STARD9: variants seen among roughly 807,000 people sequenced by gnomAD.
STARD9 encodes the protein stAR-related lipid transfer protein 9.
Under a neutral mutation model 399.8 loss-of-function variants are expected in STARD9, and 346 were observed. The ratio of observed to expected loss-of-function variants is 0.87; its 90% CI spans 0.79 to 0.95. The LOEUF is 0.95. STARD9 is among the 40% of genes least tolerant of loss of function. The pLI, the probability that STARD9 is intolerant of heterozygous loss-of-function variation, is 0.00. For synonymous variants in STARD9, 2,203 were observed against 2,143.5 expected (o/e 1.03, Z -0.77); for missense variants, 5,832 against 5,667.5 (o/e 1.03, Z -0.93).
Position 42,692,222 on chromosome 15 carries a change from C to T in STARD9, c.10644C>T (p.Ala3548=), listed in dbSNP as rs1415375745. 1 of 1,537,066 alleles carries T rather than the reference C, an allele frequency of 6.5e-7. No homozygotes were observed. Among genetic ancestry groups the T allele is most frequent in the Non-Finnish European group, 8.7e-7 (1 of 1,146,884 alleles). Residue 3548 remains alanine (A), a synonymous_variant, in exon 23 of 33, where the codon GCC becomes GCT. Transcript: ENST00000290607. The part of the protein sequence containing the change: ...LSTTHSSTEN[A]QGSNEAWEVF... ...CCACACACAGCAGCACTGAGAATGC[C>T]CAGGGTTCAAATGAGGCCTGGGAAG...
In STARD9 at chr15:42,634,932, A is replaced by G. The variant is rs904545235; in HGVS notation, c.311A>G (p.Gln104Arg). 6.5e-7 allele frequency: 1 copy of G among 1,537,016 alleles called. No homozygotes were observed. The highest frequency in any genetic ancestry group is 8.7e-7 in the Non-Finnish European group (1 of 1,146,748). The change falls in exon 4 of 33, where the codon CAG (glutamine) becomes CGG (arginine). Residue 104 changes from glutamine to arginine, a missense_variant. By Grantham distance (43) the Gln-to-Arg change is conservative. Coordinates refer to ENST00000290607, the MANE Select transcript of STARD9 (RefSeq NM_020759.3). Reference protein sequence around the residue: ...GYNICLFAYGQTGSGKTYTML... With the variant: ...GYNICLFAYGRTGSGKTYTML... ...AACATATGCCTTTTTGCTTATGGAC[A>G]GACAGGCTCTGGGAAGACATATACC...
In STARD9 at chr15:42,692,390, C is replaced by G; in HGVS notation, c.10812C>G (p.Pro3604=). 6.5e-7 allele frequency: 1 copy of G among 1,536,970 alleles called. No homozygotes were observed. The highest frequency in any genetic ancestry group is 8.7e-7 in the Non-Finnish European group (1 of 1,146,908). The change falls in exon 23 of 33, where the codon CCC becomes CCG. Residue 3604 remains proline (P), a synonymous_variant. Transcript: ENST00000290607. ...SGEADCLRSK[P]PLAKGSAAGP... ...AAGCAGACTGTCTGAGGAGTAAGCCCCCCTTGGCCAAAGGAAGTGCTGCAG... is the reference window on the plus strand; with the variant it reads ...AAGCAGACTGTCTGAGGAGTAAGCCGCCCTTGGCCAAAGGAAGTGCTGCAG...
intron 26 of STARD9, among the ~76,000 whole-genome samples, chr15:42,711,594 A>G (rs1018911119): frequency 9.9e-5 from 15 of 152,234 alleles, no homozygotes; most frequent in African/African-American, 3.4e-4. Context: ...ACATATTTTC[A>G]GTGGAGACAG....
chr15:42,703,053 C>T (rs536818449), intron 26 of STARD9, among the ~76,000 whole-genome samples: 4 of 152,262 alleles, frequency 2.6e-5, no homozygotes, highest in Non-Finnish European at 4.4e-5. Context: ...CCATAGTCTC[C>T]TAAAGTGTTG....
chr15:42,685,606 C>CT lies in STARD9; in HGVS notation c.4029dup (p.Lys1344Ter). ...ATGGATTCCTGGTTTTCCTGTGACT[C>CT]TAAGATCAACCCCAGCAGCCCCCCA... On this transcript the variant is annotated frameshift_variant, in exon 23 of 33. Transcript: ENST00000290607. LOFTEE classifies it high-confidence loss of function. 1 of 1,537,488 alleles carries CT rather than the reference C, an allele frequency of 6.5e-7. No homozygotes were observed. The highest frequency in any genetic ancestry group is 8.7e-7 in the Non-Finnish European group (1 of 1,146,976).
At chr15:42,635,487 G>T (rs2059402478) in intron 4 of STARD9, among the ~76,000 whole-genome samples, 1 of 151,820 alleles carries the variant, frequency 6.6e-6, no homozygotes, top group Non-Finnish European at 1.5e-5. Context: ...CCGCCACCAC[G>T]CTTGGCTAAG....
chr15:42,666,732 A>G (rs528091779), intron 15 of STARD9, among the ~76,000 whole-genome samples: 1 of 152,222 alleles, frequency 6.6e-6, no homozygotes, highest in Non-Finnish European at 1.5e-5. Context: ...ACCAGGAAAG[A>G]GACTGCTGTA....
intron 26 of STARD9, among the ~76,000 whole-genome samples, chr15:42,715,332 A>G (rs1002495364): frequency 1.4e-4 from 22 of 152,228 alleles, no homozygotes; most frequent in African/African-American, 5.1e-4. Flanking sequence ...AAACAGCGAG[A>G]CTGGTTGCAA....
At chr15:42,646,710 G>A (rs1240672615) in intron 7 of STARD9, among the ~76,000 whole-genome samples, 1 of 152,224 alleles carries the variant, frequency 6.6e-6, no homozygotes, top group Non-Finnish European at 1.5e-5. Flanking sequence ...TCACGGAGTA[G>A]CACTTTTAAT....
intron 3 of STARD9, among the ~76,000 whole-genome samples, chr15:42,607,790 C>A (rs2058767642): frequency 6.6e-6 from 1 of 152,074 alleles, no homozygotes; most frequent in Non-Finnish European, 1.5e-5. Flanking sequence ...TATTTACCCC[C>A]CTCTGATCAG....
chr15:42,662,307 T>C (rs1357403421), intron 10 of STARD9, among the ~76,000 whole-genome samples: 1 of 152,216 alleles, frequency 6.6e-6, no homozygotes, highest in African/African-American at 2.4e-5. Context: ...TAAAACATAA[T>C]ATGGTACAGT....
rs71108173 is a variant in STARD9 at position 42,620,727 on chromosome 15, C to CTTTTATTTTATTTTA, written c.235-14099_235-14085dup. Reference sequence around the variant, plus strand: ...AGGCCAATTATTTTGTAGAATGTCCCTTTTATTTTATTTTATTTTATTTTA... The same window carrying CTTTTATTTTATTTTA: ...AGGCCAATTATTTTGTAGAATGTCCCTTTTATTTTATTTTATTTTATTTTATTTTATTTTATTTTA... On this transcript the variant is annotated intron_variant, in intron 3 of 32. Transcript: ENST00000290607. Among the ~76,000 whole-genome samples, 212 of 142,598 alleles carry CTTTTATTTTATTTTA rather than the reference C, an allele frequency of 1.5e-3. 3 individuals are homozygous for CTTTTATTTTATTTTA. The highest frequency in any genetic ancestry group is 6.8e-3 in the East Asian group (34 of 4,970). 93.5% of individuals were successfully genotyped at this position (142,598 alleles called of 152,430 possible).
At position 42,685,964 on chromosome 15, in the gene STARD9, A is replaced by G. The variant is rs202147070; in HGVS notation, c.4386A>G (p.Val1462=). 2 of 1,537,260 alleles carry G rather than the reference A, an allele frequency of 1.3e-6. No homozygotes were observed. The highest frequency in any genetic ancestry group is 4.9e-5 in the East Asian group (2 of 40,922). Residue 1462 remains valine, a synonymous_variant, in exon 23 of 33, where the codon GTA becomes GTG. Coordinates refer to ENST00000290607, the MANE Select transcript of STARD9 (RefSeq NM_020759.3). ...GSSEASHNSS[V]SNVLAASATT... is the part of the protein sequence containing the mutation. ...CTGAAGCATCCCACAATTCTAGCGT[A>G]TCAAACGTGCTGGCTGCCTCTGCCA... is the stretch of plus-strand genomic sequence containing the variant.
At position 42,706,360 on chromosome 15, in the gene STARD9, A is replaced by C. The variant is rs138641635; in HGVS notation, c.13285-10317A>C. 3.1e-3 allele frequency among the ~76,000 whole-genome samples: 477 copies of C among 151,614 alleles called. 4 individuals are homozygous for C. The highest frequency in any genetic ancestry group is 6.8e-3 in the Middle Eastern group (2 of 294). ...TATTTTGTGTGTATTAAAGCTATAG[A>C]TTTCTGTGAATTAATTTTGCATCTA... On this transcript the variant is annotated intron_variant, in intron 26 of 32. Transcript: ENST00000290607.
chr15:42,712,082 T>A lies in STARD9; in HGVS notation c.13285-4595T>A, dbSNP rs376929756. The stretch of plus-strand genomic sequence containing the variant: ...CATCTTTTTATATATATATATATAT[T>A]ATATATATATATATAATATATAATA... On this transcript the variant is annotated intron_variant, in intron 26 of 32. Transcript: ENST00000290607. 4.2e-4 allele frequency among the ~76,000 whole-genome samples: 14 copies of A among 33,398 alleles called. 1 individual carries two copies. The highest frequency in any genetic ancestry group is 2.2e-3 in the South Asian group (2 of 898). 21.9% of individuals were successfully genotyped at this position (33,398 alleles called of 152,430 possible).
chr15:42,689,898 C>T lies in STARD9; in HGVS notation c.8320C>T (p.Pro2774Ser), dbSNP rs763208094. The T allele has an allele frequency of 1.3e-6, 2 of 1,537,616 alleles. No individual in the cohort carries two copies. The highest frequency in any genetic ancestry group is 1.7e-6 in the Non-Finnish European group (2 of 1,146,996). Reference protein sequence around the residue: ...VPQETAEGIPPGSQDSSPEHQ... With the variant: ...VPQETAEGIPSGSQDSSPEHQ... The stretch of plus-strand genomic sequence containing the variant: ...GCAGGAGACTGCAGAGGGCATACCC[C>T]CTGGCAGTCAGGACAGCAGCCCAGA... The change falls in exon 23 of 33, where the codon CCT becomes TCT. Residue 2774 changes from proline to serine, a missense_variant. Physicochemically the swap from Pro to Ser is moderately conservative, Grantham distance 74 (BLOSUM62 -1). Transcript: ENST00000290607.
At chr15:42,580,893 C>A (rs1172788967) in intron 1 of STARD9, among the ~76,000 whole-genome samples, 9 of 152,132 alleles carry the variant, frequency 5.9e-5, no homozygotes, top group Non-Finnish European at 1.3e-4. Flanking sequence ...ACACCAAGGG[C>A]CTTCAATCTA....
At chr15:42,681,309 C>T (rs2060421980) in intron 20 of STARD9, 113 bp from the exon 21 acceptor site, 1 of 1,131,892 alleles carries the variant, frequency 8.8e-7, no homozygotes, top group African/African-American at 1.6e-5. Flanking sequence ...GTCCAAAGCA[C>T]TCTCTACCCT....
chr15:42,689,065 A>G lies in STARD9; in HGVS notation c.7487A>G (p.Glu2496Gly), dbSNP rs752385782. 2.0e-6 allele frequency: 3 copies of G among 1,537,294 alleles called. No homozygotes were observed. Among genetic ancestry groups the G allele is most frequent in the Non-Finnish European group, 2.6e-6 (3 of 1,146,924 alleles). Residue 2496 changes from glutamate to glycine, a missense_variant, in exon 23 of 33, where the codon GAG becomes GGG. Physicochemically the swap from Glu to Gly is moderately conservative, Grantham distance 98 (BLOSUM62 -2). Transcript: ENST00000290607. ...PEKRVSFSLE[E>G]DSDQASKPRQ... ...AAGAGGGTCAGCTTCTCCTTGGAAG[A>G]GGATAGTGACCAAGCCAGCAAGCCA...
Sources: gnomAD v4.1 joint callset for allele counts (sites outside exome capture counted in the v4.1 genomes callset) on GRCh38, gnomAD v4.1.1 for gene constraint, MANE v1.5 for transcripts, NCBI Gene and HGNC (gene_info 2026-07-23, HGNC 2026-07-21) for gene names.